SDK2: variants seen among roughly 807,000 people sequenced by gnomAD.
SDK2 encodes the protein protein sidekick-2.
In SDK2, 105 loss-of-function variants were observed where a neutral mutation model predicts 253.9. The observed-to-expected ratio is 0.41, with a 90% CI of 0.35 to 0.49. The LOEUF is 0.49. Among genes scored for constraint, SDK2 ranks in the 20% least tolerant of loss-of-function variants. The probability of loss-of-function intolerance (pLI) is 0.06; values close to 1 mark genes in which losing one functional copy is unlikely to be tolerated. For synonymous variants in SDK2, 1,249 were observed against 1,234.9 expected (o/e 1.01, Z -0.24); for missense variants, 2,608 against 3,003.0 (o/e 0.87, Z 3.07).
chr17:73,591,322 G>A (rs1194561964), intron 1 of SDK2, among the ~76,000 whole-genome samples: 2 of 152,140 alleles, frequency 1.3e-5, no homozygotes, highest in Non-Finnish European at 2.9e-5. Flanking sequence ...CTTTGCTGGC[G>A]CCGGGTCTCT....
At chr17:73,613,059 C>CA (rs1357659702) in intron 1 of SDK2, among the ~76,000 whole-genome samples, 1 of 152,212 alleles carries the variant, frequency 6.6e-6, no homozygotes, top group Non-Finnish European at 1.5e-5. Context: ...TATAGATGAA[C>CA]AAACACACCA....
intron 34 of SDK2, among the ~76,000 whole-genome samples, chr17:73,380,044 T>G (rs1052776989): frequency 2.0e-5 from 3 of 152,074 alleles, no homozygotes; most frequent in Non-Finnish European, 4.4e-5. Context: ...CTGCCAAGTT[T>G]GAGGTGCTTG....
At chr17:73,637,221 G>A (rs2046343397) in intron 1 of SDK2, among the ~76,000 whole-genome samples, 1 of 152,196 alleles carries the variant, frequency 6.6e-6, no homozygotes, top group Non-Finnish European at 1.5e-5. Flanking sequence ...TGTCTTCTCT[G>A]TGGTTATGAA....
At chr17:73,408,832 TA>T (rs1391371735) in intron 18 of SDK2, among the ~76,000 whole-genome samples, 1 of 152,156 alleles carries the variant, frequency 6.6e-6, no homozygotes, top group Non-Finnish European at 1.5e-5. Context: ...CTGAAGCAAA[TA>T]AAACCACGAG....
At chr17:73,444,584 TC>T (rs2063438637) in intron 5 of SDK2, among the ~76,000 whole-genome samples, 1 of 152,204 alleles carries the variant, frequency 6.6e-6, no homozygotes, top group Non-Finnish European at 1.5e-5. Context: ...TGATCCATCC[TC>T]CCTGAATCAC....
At position 73,393,737 on chromosome 17, in the gene SDK2, C is replaced by T; in HGVS notation, c.3721G>A (p.Glu1241Lys). 1 of 1,573,652 alleles carries T rather than the reference C, an allele frequency of 6.4e-7. No individual in the cohort carries two copies. Among genetic ancestry groups the T allele is most frequent in the Non-Finnish European group, 8.7e-7 (1 of 1,151,008 alleles). The change falls in exon 27 of 45, where the codon GAG becomes AAG. Residue 1241 changes from glutamate (E) to lysine (K), a missense_variant. Physicochemically the swap from Glu to Lys is moderately conservative, Grantham distance 56. Transcript: ENST00000392650. ...LVLGYKVMYKEKDSDTQPRFW... is the reference protein window; with the variant it reads ...LVLGYKVMYKKKDSDTQPRFW... ...CGGGGCTGGGTGTCCGAGTCCTTCT[C>T]CTTATACATCACCTGTCAGGGCCCA...
chr17:73,466,713 ACG>A (rs1491016824), intron 3 of SDK2, among the ~76,000 whole-genome samples: 3 of 81,926 alleles, frequency 3.7e-5, no homozygotes, highest in East Asian at 3.1e-4. Flanking sequence ...GCTCTGGGGA[ACG>A]CCCCCCCCCC....
At chr17:73,351,408 C>A (rs926632456) in intron 41 of SDK2, among the ~76,000 whole-genome samples, 2 of 152,158 alleles carry the variant, frequency 1.3e-5, no homozygotes, top group Non-Finnish European at 2.9e-5. Flanking sequence ...CCGTTCCCGG[C>A]CCCTTTTCTT....
In SDK2 at chr17:73,380,894, T is replaced by A; in HGVS notation, c.4762A>T (p.Asn1588Tyr). Reference protein sequence around the residue: ...RPSLTQYELDNLNKHRRYEIR... With the variant: ...RPSLTQYELDYLNKHRRYEIR... The stretch of plus-strand genomic sequence containing the variant: ...GAAGCCACCATGCAAGGAGACTTAC[T>A]GTCCAGCTCGTACTGCGTGAGGCTG... Residue 1588 changes from asparagine (N) to tyrosine (Y), a missense_variant and splice_region_variant, in exon 34 of 45, where the codon AAC (asparagine) becomes TAC (tyrosine). Coordinates refer to ENST00000392650, the MANE Select transcript of SDK2 (RefSeq NM_001144952.2). The A allele has an allele frequency of 6.4e-7, 1 of 1,561,916 alleles. No individual in the cohort carries two copies. The highest frequency in any genetic ancestry group is 1.4e-5 in the African/African-American group (1 of 73,608).
intron 44 of SDK2, among the ~76,000 whole-genome samples, chr17:73,343,677 G>T (rs2062458580): frequency 6.6e-6 from 1 of 152,208 alleles, no homozygotes; most frequent in South Asian, 2.1e-4. Flanking sequence ...GCCTGGTGAT[G>T]GGAGTGGGGA....
chr17:73,350,164 T>C (rs988686260), intron 43 of SDK2, 73 bp downstream of exon 43: 38 of 171,946 alleles, frequency 2.2e-4, no homozygotes, highest in Non-Finnish European at 3.1e-4. Flanking sequence ...CCCTGCTCTA[T>C]GGCCTTCCCC....
At chr17:73,528,224 G>T (rs369193200) in intron 1 of SDK2, among the ~76,000 whole-genome samples, 2 of 152,298 alleles carry the variant, frequency 1.3e-5, no homozygotes, top group East Asian at 3.9e-4. Context: ...AATTCCCAGA[G>T]AGACAGGGGA....
At position 73,355,159 on chromosome 17, in the gene SDK2, C is replaced by CAT. The variant is rs1555750469; in HGVS notation, c.5594-2524_5594-2523dup. On this transcript the variant is annotated intron_variant, in intron 40 of 44. Coordinates refer to ENST00000392650, the MANE Select transcript of SDK2 (RefSeq NM_001144952.2). ...TTTGAGCCTCTGCCTCCTACACCTC[C>CAT]ATATATATATATATATTTTTTTTTT... is the stretch of plus-strand genomic sequence containing the variant. Among the ~76,000 whole-genome samples, 402 of 48,562 alleles carry CAT rather than the reference C, an allele frequency of 8.3e-3. 34 individuals are homozygous for CAT. The highest frequency in any genetic ancestry group is 0.011 in the Middle Eastern group (1 of 90). The allele number at this position is 48,562 out of a possible 152,430, so 31.9% of individuals were successfully genotyped here. A position where few individuals can be genotyped will look rare whatever the true frequency, so the allele number is the denominator to read the frequency against.
chr17:73,352,348 A>C lies in SDK2; in HGVS notation c.5758+125T>G. 1 of 1,205,074 alleles carries C rather than the reference A, an allele frequency of 8.3e-7. No homozygotes were observed. The highest frequency in any genetic ancestry group is 1.1e-6 in the Non-Finnish European group (1 of 871,678). 74.6% of individuals were successfully genotyped at this position (1,205,074 alleles called of 1,614,324 possible). On this transcript the variant is annotated intron_variant, in intron 41 of 44. Transcript: ENST00000392650. The surrounding 1 kb of genome is among the most constrained non-coding windows in gnomAD (Gnocchi z 4.1). ...GCCTCTTCACAGCCCCGAGGGGACA[A>C]TGTGTTTTTGTTCCCGCCCCATGCT...
Position 73,523,866 on chromosome 17 carries a change from T to A in SDK2, c.65-16269A>T, listed in dbSNP as rs375655994. Among the ~76,000 whole-genome samples, 5 of 152,240 alleles carry A rather than the reference T, an allele frequency of 3.3e-5. No individual in the cohort carries two copies. The South Asian group carries it at 1.0e-3, about 32-fold the overall frequency. On this transcript the variant is annotated intron_variant, in intron 1 of 44. Transcript: ENST00000392650. ...CAGCAGAAGCGAGCCCCCTCTTGTA[T>A]GCTCACATGTCCATCACGACAGCCC...
In SDK2 at chr17:73,541,738, G is replaced by A. The variant is rs373353732; in HGVS notation, c.65-34141C>T. Among the ~76,000 whole-genome samples the A allele has an allele frequency of 3.7e-4, 56 of 152,300 alleles. No homozygotes were observed. The highest frequency in any genetic ancestry group is 1.2e-3 in the African/African-American group (51 of 41,538). Reference sequence around the variant, plus strand: ...GGAAGGGGGCGCGGGGCGGAGTCACGCTGAGTGACAGGAATGTGCAGACGT... The same window carrying A: ...GGAAGGGGGCGCGGGGCGGAGTCACACTGAGTGACAGGAATGTGCAGACGT... On this transcript the variant is annotated intron_variant, in intron 1 of 44. Coordinates refer to ENST00000392650, the MANE Select transcript of SDK2 (RefSeq NM_001144952.2). The surrounding 1 kb of genome is among the most constrained non-coding windows in gnomAD (Gnocchi z 4.3).
chr17:73,631,169 C>T (rs1156627484), intron 1 of SDK2, among the ~76,000 whole-genome samples: 1 of 152,186 alleles, frequency 6.6e-6, no homozygotes, highest in East Asian at 1.9e-4. Flanking sequence ...CATTTTTCAC[C>T]CAGTGATGCG....
In SDK2 at chr17:73,467,299, G is replaced by A. The variant is rs1045449755; in HGVS notation, c.331+4813C>T. Among the ~76,000 whole-genome samples, 1 of 151,914 alleles carries A rather than the reference G, an allele frequency of 6.6e-6. No homozygotes were observed. Among genetic ancestry groups the A allele is most frequent in the African/African-American group, 2.4e-5 (1 of 41,344 alleles). ...TCTTGTCCTCAAGCAGTAGAGTGGC[G>A]CTGTTTTGGAATCAGGCAGTCATGG... On this transcript the variant is annotated intron_variant, in intron 3 of 44. Transcript: ENST00000392650. This position sits in a 1 kb window ranked among gnomAD's most constrained non-coding sequence, Gnocchi z 4.1.
At chr17:73,340,810 C>T (rs1229200278) in intron 44 of SDK2, among the ~76,000 whole-genome samples, 1 of 57,052 alleles carries the variant, frequency 1.8e-5, no homozygotes, top group Non-Finnish European at 4.9e-5. Context: ...GTGGCACGAT[C>T]TTGGCTCACC....
Sources: allele counts gnomAD v4.1 joint callset (sites outside exome capture counted in the v4.1 genomes callset), GRCh38; gene constraint gnomAD v4.1.1; non-coding constraint Gnocchi (gnomAD v3.1); transcripts MANE v1.5; gene names NCBI Gene and HGNC (gene_info 2026-07-23, HGNC 2026-07-21).